The following NXPH2 variants were observed in gnomAD, a reference collection of about 807,000 sequenced individuals.
NXPH2 encodes neurexophilin-2.
A neutral mutation model predicts 19.8 loss-of-function variants in NXPH2; 5 were observed. The observed-to-expected ratio is 0.25, with a 90% CI of 0.13 to 0.53. The LOEUF is 0.53. NXPH2 is among the 20% of genes least tolerant of loss of function. The pLI, the probability that NXPH2 is intolerant of heterozygous loss-of-function variation, is 0.96. For missense variants in NXPH2, 289 were observed against 322.8 expected, an observed-to-expected ratio of 0.90 and a Z score of 0.80; for synonymous variants, 154 against 127.4, an observed-to-expected ratio of 1.21 and a Z score of -1.41.
intron 1 of NXPH2, among the ~76,000 whole-genome samples, chr2:138,680,426 T>C (rs972799686): frequency 2.6e-5 from 4 of 152,206 alleles, no homozygotes; most frequent in African/African-American, 9.7e-5. Context: ...TAAACACTTA[T>C]TTGACACACA....
intron 1 of NXPH2, among the ~76,000 whole-genome samples, chr2:138,717,076 G>T (rs530215051): frequency 7.7e-4 from 117 of 152,188 alleles, no homozygotes; most frequent in African/African-American, 2.6e-3. Context: ...AATCAACAGA[G>T]AAATAGTGAA....
chr2:138,745,827 G>T (rs1681722195), intron 1 of NXPH2, among the ~76,000 whole-genome samples: 2 of 151,376 alleles, frequency 1.3e-5, no homozygotes, highest in Non-Finnish European at 2.9e-5. Flanking sequence ...TAGGGTGGGG[G>T]GAAGAAGCAG....
chr2:138,723,361 T>G (rs768922628), intron 1 of NXPH2, among the ~76,000 whole-genome samples: 10 of 152,212 alleles, frequency 6.6e-5, no homozygotes, highest in Non-Finnish European at 1.0e-4. Context: ...GTTGAGTGTA[T>G]TTAGCAGAAT....
rs187201565 is a variant in NXPH2, at chr2:138,728,731, G to T, written c.51+51460C>A. On this transcript the variant is annotated intron_variant, in intron 1 of 1. Coordinates refer to ENST00000272641, the MANE Select transcript of NXPH2 (RefSeq NM_007226.3). ...AGATGCATTTATTCTCTGATAAAAA[G>T]TTTGACATTATGTAGACAGCAAGCT... Among the ~76,000 whole-genome samples the T allele has an allele frequency of 1.4e-3, 210 of 152,266 alleles. 3 individuals are homozygous for T. The highest frequency in any genetic ancestry group is 4.8e-3 in the African/African-American group (201 of 41,536).
intron 1 of NXPH2, among the ~76,000 whole-genome samples, chr2:138,778,747 G>A (rs1344135063): frequency 1.3e-5 from 2 of 152,176 alleles, no homozygotes; most frequent in Non-Finnish European, 2.9e-5. Flanking sequence ...TAAAGCAAGG[G>A]ATACTAAAGA....
At chr2:138,688,786 T>G (rs1251950970) in intron 1 of NXPH2, among the ~76,000 whole-genome samples, 2 of 152,136 alleles carry the variant, frequency 1.3e-5, no homozygotes, top group Non-Finnish European at 2.9e-5. Flanking sequence ...ATTTCATACA[T>G]AAAGTGTCTC....
chr2:138,710,761 T>A (rs1681093264), intron 1 of NXPH2, among the ~76,000 whole-genome samples: 1 of 152,152 alleles, frequency 6.6e-6, no homozygotes, highest in Non-Finnish European at 1.5e-5. Context: ...ACCTCATTAC[T>A]CTCCTAACAT....
At chr2:138,683,036 G>A (rs906340508) in intron 1 of NXPH2, among the ~76,000 whole-genome samples, 3 of 152,110 alleles carry the variant, frequency 2.0e-5, no homozygotes, top group South Asian at 2.1e-4. Flanking sequence ...AATTATGAAC[G>A]GGCTGGAAAC....
intron 1 of NXPH2, among the ~76,000 whole-genome samples, chr2:138,775,934 A>G (rs1682254215): frequency 6.6e-6 from 1 of 152,152 alleles, no homozygotes; most frequent in African/African-American, 2.4e-5. Flanking sequence ...CACAGCCTTA[A>G]CTGTAAGCAC....
chr2:138,687,299 G>C (rs1370422493), intron 1 of NXPH2, among the ~76,000 whole-genome samples: 1 of 152,136 alleles, frequency 6.6e-6, no homozygotes, highest in Non-Finnish European at 1.5e-5. Flanking sequence ...TTCTCTGATG[G>C]CCAGTGATGA....
At chr2:138,770,255 C>T (rs1002401443) in intron 1 of NXPH2, among the ~76,000 whole-genome samples, 17 of 152,074 alleles carry the variant, frequency 1.1e-4, no homozygotes, top group Non-Finnish European at 2.4e-4. Context: ...TCTAATCCCA[C>T]CATAATCTTT....
intron 1 of NXPH2, among the ~76,000 whole-genome samples, chr2:138,705,201 C>T (rs933910824): frequency 6.6e-6 from 1 of 152,060 alleles, no homozygotes; most frequent in Non-Finnish European, 1.5e-5. Flanking sequence ...TGGCCTCAAG[C>T]AATCTTCCCA....
chr2:138,749,774 AC>A (rs1306434852), intron 1 of NXPH2, among the ~76,000 whole-genome samples: 1 of 152,180 alleles, frequency 6.6e-6, no homozygotes, highest in Non-Finnish European at 1.5e-5. Flanking sequence ...TTATAAAAAC[AC>A]CACAACCTAG....
chr2:138,706,214 C>A (rs1364819662), intron 1 of NXPH2, among the ~76,000 whole-genome samples: 2 of 152,220 alleles, frequency 1.3e-5, no homozygotes, highest in African/African-American at 2.4e-5. Flanking sequence ...GACCTCACAA[C>A]AACCCTGAGA....
At chr2:138,750,999 T>C (rs936665288) in intron 1 of NXPH2, among the ~76,000 whole-genome samples, 1 of 152,026 alleles carries the variant, frequency 6.6e-6, no homozygotes, top group Non-Finnish European at 1.5e-5. Flanking sequence ...AAAGCTGTGC[T>C]CTCCTGCTTA....
intron 1 of NXPH2, among the ~76,000 whole-genome samples, chr2:138,707,094 C>CAAAAAAAAAAAA (rs70982073): frequency 0.14 from 4,985 of 34,658 alleles, 1,042 homozygotes; most frequent in East Asian, 0.29. Flanking sequence ...TGCCCCATGA[C>CAAAAAAAAAAAA]AAAAAAAAAA....
intron 1 of NXPH2, among the ~76,000 whole-genome samples, chr2:138,753,696 A>G (rs189708694): frequency 2.3e-3 from 354 of 152,272 alleles, no homozygotes; most frequent in African/African-American, 8.1e-3. Flanking sequence ...TTCATCACCA[A>G]ATAGATCACT....
intron 1 of NXPH2, among the ~76,000 whole-genome samples, chr2:138,766,606 C>G (rs1682097078): frequency 6.6e-6 from 1 of 152,174 alleles, no homozygotes; most frequent in Non-Finnish European, 1.5e-5. Flanking sequence ...CATGATCCAG[C>G]AGATGGCCTC....
At chr2:138,729,898 C>A (rs995344750) in intron 1 of NXPH2, among the ~76,000 whole-genome samples, 1 of 152,124 alleles carries the variant, frequency 6.6e-6, no homozygotes, top group Admixed American at 6.5e-5. Flanking sequence ...TTTGTCTGCT[C>A]GGGCTGCTGT....
Sources: gnomAD v4.1 joint callset for allele counts (sites outside exome capture counted in the v4.1 genomes callset) on GRCh38, gnomAD v4.1.1 for gene constraint, MANE v1.5 for transcripts, NCBI Gene and HGNC (gene_info 2026-07-23, HGNC 2026-07-21) for gene names.